Variants in SHOX observed in about 807,000 individuals in gnomAD.
The protein encoded by SHOX is short stature homeobox protein.
Under a neutral mutation model 29.6 loss-of-function variants are expected in SHOX, and 12 were observed. The observed-to-expected ratio is 0.41, with a 90% CI of 0.26 to 0.66. SHOX has a LOEUF of 0.66. Among genes scored for constraint, SHOX ranks in the 30% least tolerant of loss-of-function variants. The probability of loss-of-function intolerance (pLI) is 0.35; values close to 1 mark genes in which losing one functional copy is unlikely to be tolerated. For synonymous variants in SHOX, 214 were observed against 200.6 expected (o/e 1.07, Z -0.57); for missense variants, 499 against 437.7 (o/e 1.14, Z -1.25).
chrX:631,802 G>A, intron 1 of SHOX: 1 of 437,320 alleles, frequency 2.3e-6, no homozygotes, highest in Non-Finnish European at 4.7e-6. Flanking sequence ...AAAGTGCTGG[G>A]ATGACAGGCG....
chrX:638,984 G>C (rs1458631561), intron 2 of SHOX, among the ~76,000 whole-genome samples: 1 of 152,186 alleles, frequency 6.6e-6, no homozygotes, highest in Non-Finnish European at 1.5e-5. Flanking sequence ...GGGAGGTGGT[G>C]GTGGGGGAGA....
Position 649,571 on chromosome X carries a change from A to G in SHOX, c.*4935A>G, listed in dbSNP as rs2053022159. 6.6e-6 allele frequency among the ~76,000 whole-genome samples: 1 copy of G among 152,176 alleles called. No homozygotes were observed. Among genetic ancestry groups the G allele is most frequent in the Non-Finnish European group, 1.5e-5 (1 of 68,024 alleles). On this transcript the variant is annotated 3_prime_UTR_variant, in exon 5 of 5. Coordinates refer to ENST00000686671, the MANE Select transcript of SHOX (RefSeq NM_000451.4). Reference sequence around the variant, plus strand: ...TCAAAACAAGGTTCTTTTGAAAGTCACGTTCCTGCTTTCCCTGTGGCTTCC... The same window carrying G: ...TCAAAACAAGGTTCTTTTGAAAGTCGCGTTCCTGCTTTCCCTGTGGCTTCC...
At chrX:658,156 G>A (rs956506839) in intron 5 of SHOX, among the ~76,000 whole-genome samples, 1 of 152,000 alleles carries the variant, frequency 6.6e-6, no homozygotes, top group Non-Finnish European at 1.5e-5. Flanking sequence ...TGTATTTTCA[G>A]TAGAGATGAG....
In SHOX at chrX:650,945, T is replaced by C. The variant is rs184007596; in HGVS notation, c.*6309T>C. Among the ~76,000 whole-genome samples the C allele has an allele frequency of 1.3e-5, 2 of 152,146 alleles. No homozygotes were observed. The highest frequency in any genetic ancestry group is 2.9e-5 in the Non-Finnish European group (2 of 68,004). ...AATTTGATATTTAATGAGAAGCCGGTTAAGGAATGTAGACAATATCCCGTT... is the reference window on the plus strand; with the variant it reads ...AATTTGATATTTAATGAGAAGCCGGCTAAGGAATGTAGACAATATCCCGTT... On this transcript the variant is annotated 3_prime_UTR_variant, in exon 5 of 5. Coordinates refer to ENST00000686671, the MANE Select transcript of SHOX (RefSeq NM_000451.4).
At chrX:629,445 A>C (rs1195589674), upstream of SHOX, among the ~76,000 whole-genome samples, 9 of 114,016 alleles carry the variant, frequency 7.9e-5, no homozygotes, top group South Asian at 2.8e-4. Flanking sequence ...CTCTGTCTCC[A>C]TCCCTCTGTC....
In SHOX at chrX:642,670, G is replaced by A. The variant is rs1397255081; in HGVS notation, c.633+1583G>A. Among the ~76,000 whole-genome samples the A allele has an allele frequency of 2.6e-5, 4 of 152,224 alleles. No homozygotes were observed. The South Asian group carries it at 6.2e-4, about 24-fold the overall frequency. ...TGAAATTAGGCCGTTGGAGCCCGCAGGCCTGCCTGGCTTTGCGCACCGGAG... is the reference window on the plus strand; with the variant it reads ...TGAAATTAGGCCGTTGGAGCCCGCAAGCCTGCCTGGCTTTGCGCACCGGAG... On this transcript the variant is annotated intron_variant, in intron 4 of 4. Coordinates refer to ENST00000686671, the MANE Select transcript of SHOX (RefSeq NM_000451.4).
intron 1 of SHOX, among the ~76,000 whole-genome samples, chrX:633,812 A>G (rs1187917398): frequency 2.6e-5 from 4 of 152,046 alleles, no homozygotes; most frequent in Non-Finnish European, 4.4e-5. Flanking sequence ...CTTTTACTTA[A>G]ACCCCTGAGC....
At position 624,862 on chromosome X, in the gene SHOX, T is replaced by TTTCC. The variant is rs1556451588; in HGVS notation, c.-433+262_-433+263insCCTT. 4.6e-3 allele frequency among the ~76,000 whole-genome samples: 355 copies of TTTCC among 76,804 alleles called. 4 individuals carry two copies. Among genetic ancestry groups the TTTCC allele is most frequent in the African/African-American group, 0.013 (264 of 20,070 alleles). The allele number at this position is 76,804 out of a possible 152,430, so 50.4% of individuals were successfully genotyped here. A position where few individuals can be genotyped will look rare whatever the true frequency, so the allele number is the denominator to read the frequency against. ...TCCTTCCTCTCTTCCTCTTTCTTTC[T>TTTCC]TTTCTTTCTTTCTTTCTTTCTTTCT... On this transcript the variant is annotated intron_variant, in intron 1 of 5. Coordinates refer to the SHOX transcript ENST00000334060.
chrX:635,868 G>GAA (rs1335249029), intron 2 of SHOX, among the ~76,000 whole-genome samples: 3 of 149,290 alleles, frequency 2.0e-5, no homozygotes, highest in African/African-American at 7.7e-5. Flanking sequence ...GAGAGAGAGA[G>GAA]AGAGAGAGAG....
upstream of SHOX, among the ~76,000 whole-genome samples, chrX:626,970 G>C (rs1257450578): frequency 1.4e-5 from 2 of 138,876 alleles, no homozygotes; most frequent in African/African-American, 5.4e-5. Context: ...CTGTATCTCT[G>C]TCTACCTCTG....
chrX:628,653 G>C (rs1444110803), upstream of SHOX, among the ~76,000 whole-genome samples: 2 of 9,388 alleles, frequency 2.1e-4, no homozygotes, highest in African/African-American at 1.5e-3. Flanking sequence ...ATCTCTCTCT[G>C]TCTCTCCCTG....
At position 632,005 on chromosome X, in the gene SHOX, C is replaced by A. The variant is rs745539926; in HGVS notation, c.277+831C>A. On this transcript the variant is annotated intron_variant, in intron 1 of 4. Coordinates refer to ENST00000686671, the MANE Select transcript of SHOX (RefSeq NM_000451.4). ...GCTGCGTGGTAGGAGACGGGAAGGC[C>A]CCGGGTCAGCTCGGTTCTGTTTCCT... The A allele has an allele frequency of 6.9e-4, 315 of 456,050 alleles. 1 individual carries two copies. The highest frequency in any genetic ancestry group is 5.6e-3 in the African/African-American group (279 of 50,210). The allele number at this position is 456,050 out of a possible 1,614,324, so 28.3% of individuals were successfully genotyped here.
In SHOX at chrX:644,482, C is replaced by T; in HGVS notation, c.725C>T (p.Pro242Leu). The change falls in exon 5 of 5, where the codon CCC becomes CTC. Residue 242 changes from proline to leucine, a missense_variant. Coordinates refer to ENST00000686671, the MANE Select transcript of SHOX (RefSeq NM_000451.4). ...GCGCACGCGCCCTACCTGATGTTCC[C>T]CCCGCCGCCCTTCGGGCTGCCCATC... ...LAAHAPYLMFPPPPFGLPIAS... is the reference protein window; with the variant it reads ...LAAHAPYLMFLPPPFGLPIAS... 1.3e-6 allele frequency: 2 copies of T among 1,523,960 alleles called. No homozygotes were observed. The highest frequency in any genetic ancestry group is 1.7e-6 in the Non-Finnish European group (2 of 1,142,856). 94.4% of individuals were successfully genotyped at this position (1,523,960 alleles called of 1,614,324 possible). A position where few individuals can be genotyped will look rare whatever the true frequency, so the allele number is the denominator to read the frequency against.
rs1219384318 is a variant in SHOX, at chrX:625,588, C to CTT, written c.-433+988_-433+989dup. Among the ~76,000 whole-genome samples the CTT allele has an allele frequency of 2.0e-5, 3 of 151,310 alleles. 1 individual carries two copies. The highest frequency in any genetic ancestry group is 7.3e-5 in the African/African-American group (3 of 41,024). On this transcript the variant is annotated intron_variant, in intron 1 of 5. Coordinates refer to the SHOX transcript ENST00000334060. ...TGTATCTCTGTCCATCTCTGTCTCT[C>CTT]TTTCTCTCTCTCCTCTCTCTCTTTT...
intron 5 of SHOX, among the ~76,000 whole-genome samples, chrX:656,612 C>T (rs765637710): frequency 3.0e-4 from 46 of 152,190 alleles, no homozygotes; most frequent in Non-Finnish European, 6.2e-4. Context: ...GAGGCCGAGG[C>T]GGGCGGATCA....
At position 640,827 on chromosome X, in the gene SHOX, T is replaced by C; in HGVS notation, c.493T>C (p.Phe165Leu). ...CTCTCTGCTTCTCCCCAAGGTTTGG[T>C]TCCAGAACCGGAGAGCCAAGTGCCG... ...GLSEARVQVW[F>L]QNRRAKCRKQ... is the part of the protein sequence containing the mutation. The change falls in exon 3 of 5, where the codon TTC becomes CTC. Residue 165 changes from phenylalanine (F) to leucine (L), a missense_variant. Coordinates refer to ENST00000686671, the MANE Select transcript of SHOX (RefSeq NM_000451.4). The C allele has an allele frequency of 6.2e-7, 1 of 1,613,822 alleles. No homozygotes were observed. The highest frequency in any genetic ancestry group is 1.3e-5 in the African/African-American group (1 of 74,972).
chrX:631,164 A>C lies in SHOX; in HGVS notation c.267A>C (p.Arg89Ser), dbSNP rs768911508. The C allele has an allele frequency of 1.9e-6, 3 of 1,612,728 alleles. No homozygotes were observed. The South Asian group carries it at 3.3e-5, about 18-fold the overall frequency. ...KEKLKEFGTA[R>S]VAEGIYECKE... ...AACTGAAAGAATTCGGCACCGCGAG[A>C]GTGGCAGAAGGTAAGTTCCTTTGCG... Residue 89 changes from arginine to serine, a missense_variant, in exon 1 of 5, where the codon AGA becomes AGC. By Grantham distance (110) the Arg-to-Ser change is moderately radical. Coordinates refer to ENST00000686671, the MANE Select transcript of SHOX (RefSeq NM_000451.4).
chrX:642,275 A>G (rs1286047947), intron 4 of SHOX, among the ~76,000 whole-genome samples: 2 of 145,332 alleles, frequency 1.4e-5, no homozygotes, highest in African/African-American at 2.6e-5. Context: ...GGGGGTCGGG[A>G]GTGCATGCGC....
chrX:655,642 A>C (rs2053136760), downstream of SHOX, among the ~76,000 whole-genome samples: 2 of 100,888 alleles, frequency 2.0e-5, no homozygotes, highest in African/African-American at 3.6e-5. Flanking sequence ...ATATATATAT[A>C]TATATATATA....
Sources: gnomAD v4.1 joint callset for allele counts (sites outside exome capture counted in the v4.1 genomes callset) on GRCh38, gnomAD v4.1.1 for gene constraint, MANE v1.5 for transcripts, NCBI Gene and HGNC (gene_info 2026-07-23, HGNC 2026-07-21) for gene names.